Variants in TRIM71 observed in about 807,000 individuals in gnomAD.
TRIM71 encodes the protein tripartite motif containing 71.
Under a neutral mutation model 61.2 loss-of-function variants are expected in TRIM71, and 9 were observed. The ratio of observed to expected loss-of-function variants is 0.15; its 90% CI spans 0.09 to 0.26. The LOEUF is 0.26. Ranked by LOEUF, TRIM71 falls within the 10% of genes least tolerant of loss-of-function variation. The probability of loss-of-function intolerance (pLI) is 1.00; values close to 1 mark genes in which losing one functional copy is unlikely to be tolerated. For missense variants in TRIM71, 998 were observed against 1,238.7 expected (o/e 0.81, Z 2.92); for synonymous variants, 645 against 553.2 (o/e 1.17, Z -2.33).
intron 1 of TRIM71, among the ~76,000 whole-genome samples, chr3:32,844,586 C>T (rs1273459358): frequency 1.3e-5 from 2 of 151,932 alleles, no homozygotes; most frequent in African/African-American, 4.8e-5. Context: ...TTGTAGAGAG[C>T]GTCTCACCAG....
At chr3:32,880,889 A>G (rs1696900730) in intron 2 of TRIM71, among the ~76,000 whole-genome samples, 1 of 152,192 alleles carries the variant, frequency 6.6e-6, no homozygotes, top group Non-Finnish European at 1.5e-5. Context: ...ATATTTCATC[A>G]CATTTAAGAT....
At chr3:32,836,182 A>C (rs991892278) in intron 1 of TRIM71, among the ~76,000 whole-genome samples, 3 of 152,194 alleles carry the variant, frequency 2.0e-5, no homozygotes, top group South Asian at 2.1e-4. Context: ...AATAGATCCC[A>C]GCACTTTGCT....
intron 1 of TRIM71, among the ~76,000 whole-genome samples, chr3:32,866,381 G>T (rs1055572872): frequency 4.6e-5 from 7 of 151,936 alleles, no homozygotes; most frequent in East Asian, 1.9e-4. Context: ...GAGTAGCTAG[G>T]ATTACAGGGC....
intron 1 of TRIM71, among the ~76,000 whole-genome samples, chr3:32,825,996 A>T (rs1696195963): frequency 6.6e-6 from 1 of 152,170 alleles, no homozygotes; most frequent in African/African-American, 2.4e-5. Flanking sequence ...TAGGGGGCCT[A>T]GTGGTGTCCC....
chr3:32,827,268 C>CTTTTTTTTTTTT (rs369755706), intron 1 of TRIM71, among the ~76,000 whole-genome samples: 2,518 of 129,136 alleles, frequency 0.019, 86 homozygotes, highest in African/African-American at 0.041. Context: ...GGGGATAATT[C>CTTTTTTTTTTTT]TTTTTTTTTT....
chr3:32,828,088 G>T (rs1575340991), intron 1 of TRIM71, among the ~76,000 whole-genome samples: 1 of 152,120 alleles, frequency 6.6e-6, no homozygotes, highest in African/African-American at 2.4e-5. Flanking sequence ...AGTGGCATCA[G>T]CAGCCATTAT....
chr3:32,890,249 A>G lies in TRIM71; in HGVS notation c.1156-111A>G, dbSNP rs947874326. 17 of 1,411,974 alleles carry G rather than the reference A, an allele frequency of 1.2e-5. No homozygotes were observed. The highest frequency in any genetic ancestry group is 1.6e-5 in the Non-Finnish European group (17 of 1,046,332). 87.5% of individuals were successfully genotyped at this position (1,411,974 alleles called of 1,614,324 possible). A position where few individuals can be genotyped will look rare whatever the true frequency, so the allele number is the denominator to read the frequency against. ...ACAGATGTCTTTTGTAGACCATCCC[A>G]CAATATGTGTTTGTCTGATGCTTCC... On this transcript the variant is annotated intron_variant, in intron 3 of 3. Transcript: ENST00000383763. This position sits in a 1 kb window ranked among gnomAD's most constrained non-coding sequence, Gnocchi z 6.2.
chr3:32,842,180 C>T (rs537002661), intron 1 of TRIM71, among the ~76,000 whole-genome samples: 7 of 152,322 alleles, frequency 4.6e-5, no homozygotes, highest in Non-Finnish European at 7.3e-5. Flanking sequence ...TCTAGATTTA[C>T]TGCTGGGAAA....
At chr3:32,874,012 TC>T in intron 2 of TRIM71, 27 bp downstream of exon 2, 2 of 1,573,254 alleles carry the variant, frequency 1.3e-6, no homozygotes, top group Non-Finnish European at 1.7e-6. Context: ...CTTCTGCAGT[TC>T]CCACGTGAAT....
At position 32,891,770 on chromosome 3, in the gene TRIM71, G is replaced by A. The variant is rs778838272; in HGVS notation, c.2566G>A (p.Val856Ile). 1.1e-5 allele frequency: 17 copies of A among 1,614,044 alleles called. No individual in the cohort carries two copies. Among genetic ancestry groups the A allele is most frequent in the East Asian group, 4.5e-5 (2 of 44,880 alleles). ...CGCCATCACCCCCGACGGAATGATC[G>A]TTGTGGTGGACTTTGGCAACAATCG... ...GIAITPDGMI[V>I]VVDFGNNRIL... The change falls in exon 4 of 4, where the codon GTT becomes ATT. Residue 856 changes from valine (V) to isoleucine (I), a missense_variant. By Grantham distance (29) the Val-to-Ile change is conservative. This residue lies in a region of TRIM71 where 95 missense variants were observed against 159.0 expected (regional missense o/e 0.60). Coordinates refer to ENST00000383763, the MANE Select transcript of TRIM71 (RefSeq NM_001039111.3). The surrounding 1 kb of genome is among the most constrained non-coding windows in gnomAD (Gnocchi z 8.2).
intron 1 of TRIM71, among the ~76,000 whole-genome samples, chr3:32,844,010 T>C (rs1362656520): frequency 6.6e-6 from 1 of 152,318 alleles, no homozygotes. Context: ...AGAAAATAAG[T>C]GTCCTAAAAA....
rs767920185 is a variant in TRIM71, at chr3:32,818,815, C to G, written c.735C>G (p.Pro245=). ...ACATCGAGCGCGGCCCGCCGGGTCCCGGTGCCGCAGCAGCGGCGCAGCAGC... is the reference window on the plus strand; with the variant it reads ...ACATCGAGCGCGGCCCGCCGGGTCCGGGTGCCGCAGCAGCGGCGCAGCAGC... ...DHYIERGPPG[P]GAAAAAQQLG... is the part of the protein sequence containing the mutation. The change falls in exon 1 of 4, where the codon CCC becomes CCG. Residue 245 remains proline (P), a synonymous_variant. Coordinates refer to ENST00000383763, the MANE Select transcript of TRIM71 (RefSeq NM_001039111.3). 1 of 1,609,880 alleles carries G rather than the reference C, an allele frequency of 6.2e-7. No homozygotes were observed.
rs1284846710 is a variant in TRIM71, at chr3:32,833,060, A to T, written c.852+14128A>T. ...CTTAGTGTTACGAACCTGTCATCCC[A>T]GCTACTCGGGAGGCTGAGGCAGGAG... On this transcript the variant is annotated intron_variant, in intron 1 of 3. Transcript: ENST00000383763. 1.3e-4 allele frequency among the ~76,000 whole-genome samples: 19 copies of T among 151,594 alleles called. No individual in the cohort carries two copies. The East Asian group carries it at 3.5e-3, about 28-fold the overall frequency.
intron 2 of TRIM71, among the ~76,000 whole-genome samples, chr3:32,880,055 T>C (rs1696892060): frequency 6.6e-6 from 1 of 152,166 alleles, no homozygotes; most frequent in Non-Finnish European, 1.5e-5. Flanking sequence ...ATATTTTTTA[T>C]TATTTTTATT....
At chr3:32,879,374 G>A (rs575857329) in intron 2 of TRIM71, among the ~76,000 whole-genome samples, 3 of 152,262 alleles carry the variant, frequency 2.0e-5, no homozygotes, top group African/African-American at 4.8e-5. Context: ...GGTGTAAGAG[G>A]CCTAGCTTTC....
intron 3 of TRIM71, among the ~76,000 whole-genome samples, chr3:32,888,434 CAAAAAAA>C (rs56834147): frequency 2.7e-4 from 26 of 95,830 alleles, no homozygotes; most frequent in African/African-American, 1.1e-3. Context: ...CCATCTCTAC[CAAAAAAA>C]AAAAAAAAAA....
At chr3:32,888,442 A>C (rs1414307550) in intron 3 of TRIM71, among the ~76,000 whole-genome samples, 1 of 1,490 alleles carries the variant, frequency 6.7e-4, no homozygotes, top group Admixed American at 0.024. Context: ...ACCAAAAAAA[A>C]AAAAAAAAAA....
chr3:32,855,316 G>A (rs1467743400), intron 1 of TRIM71, among the ~76,000 whole-genome samples: 1 of 151,732 alleles, frequency 6.6e-6, no homozygotes, highest in Non-Finnish European at 1.5e-5. Flanking sequence ...TACCAGTGTT[G>A]TGTTTAGTAG....
In TRIM71 at chr3:32,818,375, G is replaced by A. The variant is rs1303914593; in HGVS notation, c.295G>A (p.Val99Met). 6.8e-7 allele frequency: 1 copy of A among 1,478,736 alleles called. No homozygotes were observed. Among genetic ancestry groups the A allele is most frequent in the South Asian group, 1.3e-5 (1 of 79,524 alleles). 91.6% of individuals were successfully genotyped at this position (1,478,736 alleles called of 1,614,324 possible). ...LRCPVCDQKV[V>M]LAEAAGMDAL... ...CTGCCCCGTGTGCGACCAGAAAGTA[G>A]TGCTAGCCGAGGCGGCGGGTATGGA... Residue 99 changes from valine (V) to methionine (M), a missense_variant, in exon 1 of 4, where the codon GTG becomes ATG. Around this residue, in one of 5 missense-constraint regions of TRIM71, gnomAD observed 527 missense variants for 427.8 expected, o/e 1.23. Transcript: ENST00000383763.
Sources: gnomAD v4.1 joint callset for allele counts (sites outside exome capture counted in the v4.1 genomes callset) on GRCh38, gnomAD v4.1.1 for gene constraint, gnomAD v4.1.1 regional missense constraint, Gnocchi (gnomAD v3.1) non-coding constraint, MANE v1.5 for transcripts, NCBI Gene and HGNC (gene_info 2026-07-23, HGNC 2026-07-21) for gene names.